TUBGCP2: variants seen among roughly 807,000 people sequenced by gnomAD.
The protein encoded by TUBGCP2 is gamma-tubulin complex component 2.
Under a neutral mutation model 92.2 loss-of-function variants are expected in TUBGCP2, and 55 were observed. That is an observed-to-expected ratio of 0.60 (90% CI 0.48 to 0.75). The LOEUF is 0.75. Ranked by LOEUF, TUBGCP2 falls within the 30% of genes least tolerant of loss-of-function variation. The pLI is 0.00. For synonymous variants in TUBGCP2, 533 were observed against 505.2 expected (o/e 1.06, Z -0.74); for missense variants, 1,093 against 1,188.9 (o/e 0.92, Z 1.19).
upstream of TUBGCP2, chr10:133,310,566 G>C (rs927142844): frequency 6.4e-6 from 3 of 466,000 alleles, no homozygotes; most frequent in Admixed American, 1.0e-4. Flanking sequence ...CAGCGCCTCC[G>C]CACTCACACC....
At chr10:133,310,484 T>A, upstream of TUBGCP2, 1 of 673,598 alleles carries the variant, frequency 1.5e-6, no homozygotes, top group Non-Finnish European at 2.4e-6. Context: ...GAAGGGAGGC[T>A]GGAGGGGAGC....
chr10:133,301,310 C>G (rs1056967938), intron 2 of TUBGCP2, among the ~76,000 whole-genome samples: 1 of 152,034 alleles, frequency 6.6e-6, no homozygotes, highest in Non-Finnish European at 1.5e-5. Flanking sequence ...TTTTTAGTAG[C>G]GATGGGGTTT....
chr10:133,290,403 G>A (rs1318171882), intron 8 of TUBGCP2: 5 of 157,516 alleles, frequency 3.2e-5, no homozygotes, highest in African/African-American at 4.8e-5. Flanking sequence ...TAAGGCAGGG[G>A]AATCGCTTGA....
chr10:133,303,507 A>C (rs115989787), intron 1 of TUBGCP2, among the ~76,000 whole-genome samples: 170 of 152,212 alleles, frequency 1.1e-3, no homozygotes, highest in African/African-American at 3.9e-3. Context: ...CGGCTTGGGG[A>C]CAGAGCTTTC....
At chr10:133,300,825 C>T (rs1306668041) in intron 2 of TUBGCP2, among the ~76,000 whole-genome samples, 1 of 152,230 alleles carries the variant, frequency 6.6e-6, no homozygotes, top group African/African-American at 2.4e-5. Flanking sequence ...CACTTCCCCC[C>T]AGTAGTTTAT....
rs369343734 is a variant in TUBGCP2, at chr10:133,289,864, C to T, written c.1320G>A (p.Pro440=). ...QRYTIVQQQI[P]SFLQKMADKI... ...TGTCCGCCATTTTCTGCAGGAAGGA[C>T]GGGATCTGCTGCTGGACGATGGTGT... is the stretch of plus-strand genomic sequence containing the variant. Residue 440 remains proline, a synonymous_variant, in exon 9 of 18, where the codon CCG becomes CCA. Transcript: ENST00000252936. 7.2e-5 allele frequency: 104 copies of T among 1,447,964 alleles called. No individual in the cohort carries two copies. The Middle Eastern group carries it at 7.7e-4, about 11-fold the overall frequency. The allele number at this position is 1,447,964 out of a possible 1,614,324, so 89.7% of individuals were successfully genotyped here.
At chr10:133,309,061 C>T, upstream of TUBGCP2, 1 of 1,292,878 alleles carries the variant, frequency 7.7e-7, no homozygotes, top group Non-Finnish European at 9.8e-7. Context: ...CGTTGCGCGC[C>T]CCGTGCGCTT....
At chr10:133,310,253 G>A (rs146350657), upstream of TUBGCP2, 106 of 1,613,920 alleles carry the variant, frequency 6.6e-5, no homozygotes, top group African/African-American at 9.3e-5. Flanking sequence ...TGTACCCCGC[G>A]GACTTCCGGT....
At chr10:133,309,915 G>A (rs150725895), upstream of TUBGCP2, 8 of 1,613,498 alleles carry the variant, frequency 5.0e-6, no homozygotes, top group African/African-American at 1.1e-4. Flanking sequence ...ACACCTGCTG[G>A]ACGCCCACAT....
upstream of TUBGCP2, chr10:133,310,593 G>A (rs904751110): frequency 2.0e-5 from 8 of 404,386 alleles, no homozygotes; most frequent in African/African-American, 1.6e-4. Flanking sequence ...GGCCATGCCT[G>A]TACCTCCTGC....
intron 2 of TUBGCP2, 52 bp from the exon 3 acceptor site, chr10:133,300,165 TA>T (rs113322932): frequency 3.5e-5 from 54 of 1,564,626 alleles, no homozygotes; most frequent in Admixed American, 9.9e-5. Flanking sequence ...TAAAGCACTG[TA>T]AAAAAAAACC....
intron 8 of TUBGCP2, among the ~76,000 whole-genome samples, chr10:133,291,949 CCG>C (rs1366940036): frequency 4.6e-5 from 1 of 21,652 alleles, no homozygotes; most frequent in Non-Finnish European, 8.9e-5. Flanking sequence ...CCGTGTCCCT[CCG>C]TGTCCCCGTG....
intron 1 of TUBGCP2, among the ~76,000 whole-genome samples, chr10:133,306,860 A>G (rs1370590651): frequency 6.6e-6 from 1 of 152,340 alleles, no homozygotes; most frequent in East Asian, 1.9e-4. Flanking sequence ...AGAAGCACAG[A>G]TGCCCGCACG....
At chr10:133,298,734 G>GT (rs1025919400) in intron 4 of TUBGCP2, among the ~76,000 whole-genome samples, 1 of 152,248 alleles carries the variant, frequency 6.6e-6, no homozygotes, top group African/African-American at 2.4e-5. Context: ...GCACGTGGCA[G>GT]TAAGACCCAG....
intron 5 of TUBGCP2, among the ~76,000 whole-genome samples, chr10:133,294,585 G>A (rs1188722388): frequency 6.8e-6 from 1 of 146,748 alleles, no homozygotes; most frequent in Non-Finnish European, 1.5e-5. Context: ...CCTCAATCCT[G>A]ATGCAGATCC....
At chr10:133,301,177 G>A (rs1358546725) in intron 2 of TUBGCP2, among the ~76,000 whole-genome samples, 1 of 152,172 alleles carries the variant, frequency 6.6e-6, no homozygotes, top group African/African-American at 2.4e-5. Flanking sequence ...TGCCCAGGCT[G>A]GAGTGCAATG....
intron 5 of TUBGCP2, among the ~76,000 whole-genome samples, 165 bp downstream of exon 5, chr10:133,297,787 T>C (rs1847524355): frequency 6.6e-6 from 1 of 152,226 alleles, no homozygotes; most frequent in Admixed American, 6.5e-5. Context: ...CCAGTCAGCA[T>C]TGAGCCTCAC....
chr10:133,309,214 G>A, upstream of TUBGCP2: 4 of 1,336,930 alleles, frequency 3.0e-6, no homozygotes, highest in Non-Finnish European at 3.9e-6. Context: ...GCCGGAGCCT[G>A]GGACAGGCGG....
Position 133,291,245 on chromosome 10 carries a change from GTCCCCCA to G in TUBGCP2, c.1214+1247_1214+1253del, listed in dbSNP as rs1490076901. ...AGAGAGGGCAGCACGCGCCCTCCGT[GTCCCCCA>G]TGTCCCTCCGTGTCCCCCATGTCCC... On this transcript the variant is annotated intron_variant, in intron 8 of 17. Transcript: ENST00000252936. Among the ~76,000 whole-genome samples the G allele has an allele frequency of 7.2e-5, 5 of 69,180 alleles. No homozygotes were observed. The African/African-American group carries it at 8.4e-4, about 12-fold the overall frequency. 45.4% of individuals were successfully genotyped at this position (69,180 alleles called of 152,430 possible).
Sources: allele counts gnomAD v4.1 joint callset (sites outside exome capture counted in the v4.1 genomes callset), GRCh38; gene constraint gnomAD v4.1.1; transcripts MANE v1.5; gene names NCBI Gene and HGNC (gene_info 2026-07-23, HGNC 2026-07-21).